PDE1A: variants seen among roughly 807,000 people sequenced by gnomAD.
The protein encoded by PDE1A is phosphodiesterase 1A, also known as dual specificity calcium/calmodulin-dependent 3',5'-cyclic nucleotide phosphodiesterase 1A.
A neutral mutation model predicts 61.7 loss-of-function variants in PDE1A; 35 were observed. That is an observed-to-expected ratio of 0.57 (90% CI 0.43 to 0.75). The LOEUF (loss-of-function observed/expected upper bound fraction) is 0.75. Among genes scored for constraint, PDE1A ranks in the 30% least tolerant of loss-of-function variants. The pLI is 0.00. For synonymous variants in PDE1A, 232 were observed against 213.2 expected, an observed-to-expected ratio of 1.09 and a Z score of -0.77; for missense variants, 597 against 630.6, an observed-to-expected ratio of 0.95 and a Z score of 0.57.
chr2:182,652,347 C>T, the PDE1A span, among the ~76,000 whole-genome samples: 1 of 152,154 alleles, frequency 6.6e-6, no homozygotes, highest in Non-Finnish European at 1.5e-5. Context: ...TCTTTAGATT[C>T]CTTCTGCAGT....
intron 2 of PDE1A, among the ~76,000 whole-genome samples, chr2:182,495,403 G>A (rs958914549): frequency 1.3e-5 from 2 of 152,080 alleles, no homozygotes; most frequent in African/African-American, 4.8e-5. Flanking sequence ...GTAGAATCTG[G>A]CTTTGGTTGG....
chr2:182,619,689 G>A, the PDE1A span, among the ~76,000 whole-genome samples: 1 of 152,102 alleles, frequency 6.6e-6, no homozygotes, highest in African/African-American at 2.4e-5. Context: ...TGACACATAA[G>A]TGTTATTAGA....
At chr2:182,516,213 A>T (rs1438392824) in intron 2 of PDE1A, among the ~76,000 whole-genome samples, 1 of 152,114 alleles carries the variant, frequency 6.6e-6, no homozygotes, top group Non-Finnish European at 1.5e-5. Context: ...CTCTAGGCAC[A>T]TTCTGTTTTA....
chr2:182,149,602 T>C (rs1158896424), intron 13 of PDE1A, among the ~76,000 whole-genome samples: 23 of 152,218 alleles, frequency 1.5e-4, no homozygotes, highest in Non-Finnish European at 4.4e-5. Flanking sequence ...ATTATTTTAG[T>C]TGATAAATCT....
chr2:182,698,765 G>A, the PDE1A span, among the ~76,000 whole-genome samples: 7 of 152,058 alleles, frequency 4.6e-5, no homozygotes, highest in African/African-American at 7.2e-5. Context: ...AAAGCCCAGA[G>A]ACATTTGCAT....
chr2:182,165,706 G>A (rs995607955), downstream of PDE1A, among the ~76,000 whole-genome samples: 2 of 152,074 alleles, frequency 1.3e-5, no homozygotes, highest in African/African-American at 4.8e-5. Flanking sequence ...ATACAGAATG[G>A]GTAGTAGAAG....
At chr2:182,425,148 G>C (rs954494167) in intron 1 of PDE1A, among the ~76,000 whole-genome samples, 43 of 152,276 alleles carry the variant, frequency 2.8e-4, no homozygotes, top group African/African-American at 1.0e-3. Flanking sequence ...CTCCAAAGGG[G>C]TAATACAATA....
At chr2:182,686,743 C>T in the PDE1A span, among the ~76,000 whole-genome samples, 13 of 152,326 alleles carry the variant, frequency 8.5e-5, no homozygotes, top group Middle Eastern at 3.4e-3. Context: ...TCACCTTACC[C>T]GGGAAACGCA....
At chr2:182,366,714 T>C (rs1699857999) in intron 1 of PDE1A, among the ~76,000 whole-genome samples, 1 of 152,052 alleles carries the variant, frequency 6.6e-6, no homozygotes, top group South Asian at 2.1e-4. Flanking sequence ...TAATAGAACA[T>C]CATTTCCTCA....
At chr2:182,144,714 G>A (rs1322543373), downstream of PDE1A, among the ~76,000 whole-genome samples, 1 of 152,202 alleles carries the variant, frequency 6.6e-6, no homozygotes, top group Non-Finnish European at 1.5e-5. Context: ...CAGTCACAAA[G>A]AAGGTGTGCT....
chr2:182,402,227 A>G (rs934482457), intron 1 of PDE1A, among the ~76,000 whole-genome samples: 1 of 152,216 alleles, frequency 6.6e-6, no homozygotes, highest in Non-Finnish European at 1.5e-5. Context: ...GACAATACTA[A>G]GCAAAAAGAA....
the PDE1A span, among the ~76,000 whole-genome samples, chr2:182,656,477 A>G: frequency 1.3e-5 from 2 of 152,340 alleles, no homozygotes; most frequent in South Asian, 2.1e-4. Flanking sequence ...CATCACTTTC[A>G]TCACTTAGCT....
chr2:182,522,745 T>A, upstream of PDE1A: 1 of 848,046 alleles, frequency 1.2e-6, no homozygotes, highest in Non-Finnish European at 1.4e-6. Flanking sequence ...ATTCCTACAG[T>A]TTACGAGCTC....
chr2:182,401,993 G>A (rs1702026241), intron 1 of PDE1A, among the ~76,000 whole-genome samples: 1 of 152,006 alleles, frequency 6.6e-6, no homozygotes, highest in African/African-American at 2.4e-5. Flanking sequence ...CTCAAGGAGA[G>A]CTACAAACCA....
chr2:182,537,733 T>C, the PDE1A span, among the ~76,000 whole-genome samples: 1 of 151,820 alleles, frequency 6.6e-6, no homozygotes, highest in African/African-American at 2.4e-5. Flanking sequence ...GAGCAGCAAA[T>C]AAAAACTTCC....
intron 2 of PDE1A, among the ~76,000 whole-genome samples, chr2:182,517,183 T>C (rs1429610037): frequency 6.6e-6 from 1 of 152,214 alleles, no homozygotes; most frequent in African/African-American, 2.4e-5. Context: ...TATCTATGTT[T>C]AAACCCATGT....
chr2:182,305,882 G>A (rs1244286897), intron 1 of PDE1A, among the ~76,000 whole-genome samples: 1 of 151,960 alleles, frequency 6.6e-6, no homozygotes, highest in Non-Finnish European at 1.5e-5. Context: ...ACTATTTTTT[G>A]TGATAAGAAC....
At chr2:182,632,640 G>C in the PDE1A span, among the ~76,000 whole-genome samples, 1 of 151,930 alleles carries the variant, frequency 6.6e-6, no homozygotes, top group African/African-American at 2.4e-5. Context: ...AAAATGTCCT[G>C]GTTTTTACAA....
exon 1 of PDE1A, chr2:182,426,839 G>A (rs779391449): frequency 1.8e-5 from 25 of 1,384,946 alleles, no homozygotes; most frequent in Non-Finnish European, 2.2e-5. Context: ...CAGGCACGTT[G>A]GGGCACTCCC....
Sources: allele counts gnomAD v4.1 joint callset (sites outside exome capture counted in the v4.1 genomes callset), GRCh38; gene constraint gnomAD v4.1.1; transcripts MANE v1.5; gene names NCBI Gene and HGNC (gene_info 2026-07-23, HGNC 2026-07-21).